Variants in FAT3 observed in about 807,000 individuals in gnomAD.
The protein encoded by FAT3 is FAT atypical cadherin 3, also known as protocadherin Fat 3.
FAT3 carries 95 observed loss-of-function variants against 310.2 expected under a neutral mutation model. The observed-to-expected ratio is 0.31, with a 90% CI of 0.26 to 0.36. The LOEUF is 0.36. Among genes scored for constraint, FAT3 ranks in the 10% least tolerant of loss-of-function variants. The pLI, the probability that FAT3 is intolerant of heterozygous loss-of-function variation, is 1.00. For synonymous variants in FAT3, 2,314 were observed against 2,192.9 expected (o/e 1.06, Z -1.54); for missense variants, 5,408 against 5,715.6 (o/e 0.95, Z 1.74).
At chr11:92,399,644 T>A (rs1304772135) in intron 2 of FAT3, among the ~76,000 whole-genome samples, 1 of 152,188 alleles carries the variant, frequency 6.6e-6, no homozygotes, top group Non-Finnish European at 1.5e-5. Flanking sequence ...ATGCCTATTT[T>A]CCATGACCCT....
chr11:92,836,633 G>A lies in FAT3; in HGVS notation c.10154G>A (p.Arg3385Gln), dbSNP rs757195782. 20 of 1,613,606 alleles carry A rather than the reference G, an allele frequency of 1.2e-5. No homozygotes were observed. The highest frequency in any genetic ancestry group is 3.3e-5 in the South Asian group (3 of 91,042). The change falls in exon 16 of 28, where the codon CGG (arginine) becomes CAG (glutamine). Residue 3385 changes from arginine (R) to glutamine (Q), a missense_variant. Arg to Gln is a conservative substitution (Grantham distance 43). Around this residue, in one of 5 missense-constraint regions of FAT3, gnomAD observed 4,588 missense variants for 4,809.8 expected, o/e 0.95. Transcript: ENST00000525166. ...CATTTTTCCATTGTGAATGGAGATC[G>A]GGACAATGAATTTACTGTAGATCCT... is the stretch of plus-strand genomic sequence containing the variant. ...QIHFSIVNGD[R>Q]DNEFTVDPVL...
rs546889956 is a variant in FAT3, at chr11:92,511,732, A to C, written c.3293-12902A>C. Among the ~76,000 whole-genome samples, 240 of 152,254 alleles carry C rather than the reference A, an allele frequency of 1.6e-3. 3 individuals carry two copies. The highest frequency in any genetic ancestry group is 5.6e-3 in the African/African-American group (234 of 41,538). Reference sequence around the variant, plus strand: ...GGAGGCCATTTGTGGAGATGGATTGAAGGAGCAGCCTGAGCAGATGTGCAC... The same window carrying C: ...GGAGGCCATTTGTGGAGATGGATTGCAGGAGCAGCCTGAGCAGATGTGCAC... On this transcript the variant is annotated intron_variant, in intron 2 of 27. Coordinates refer to ENST00000525166, the MANE Select transcript of FAT3 (RefSeq NM_001367949.2).
chr11:92,409,844 C>T (rs763395437), intron 2 of FAT3, among the ~76,000 whole-genome samples: 3 of 152,156 alleles, frequency 2.0e-5, no homozygotes, highest in Non-Finnish European at 2.9e-5. Context: ...TTGCCAGCCT[C>T]AGACAGCATT....
At chr11:92,338,016 A>G (rs967520059) in intron 1 of FAT3, among the ~76,000 whole-genome samples, 2 of 152,174 alleles carry the variant, frequency 1.3e-5, no homozygotes, top group East Asian at 1.9e-4. Context: ...AACAATAGAA[A>G]TCTATTCTAA....
chr11:92,729,705 G>A (rs1945116857), intron 4 of FAT3, among the ~76,000 whole-genome samples: 3 of 151,952 alleles, frequency 2.0e-5, no homozygotes, highest in South Asian at 2.1e-4. Context: ...GATTATAGGC[G>A]TGAGCCACTG....
At chr11:92,553,705 C>CTTCCTTCA (rs1565406452) in intron 3 of FAT3, among the ~76,000 whole-genome samples, 1 of 86,888 alleles carries the variant, frequency 1.2e-5, no homozygotes, top group Non-Finnish European at 2.7e-5. Flanking sequence ...TCCTTCCTTC[C>CTTCCTTCA]TTCCTTCCTT....
At chr11:92,852,026 T>TAA (rs1948842792) in intron 19 of FAT3, among the ~76,000 whole-genome samples, 1 of 152,148 alleles carries the variant, frequency 6.6e-6, no homozygotes, top group African/African-American at 2.4e-5. Flanking sequence ...TAAAGCTTAC[T>TAA]AGCTTCTATT....
At chr11:92,468,485 A>G (rs1309120405) in intron 2 of FAT3, among the ~76,000 whole-genome samples, 1 of 151,972 alleles carries the variant, frequency 6.6e-6, no homozygotes, top group Admixed American at 6.6e-5. Flanking sequence ...GGTGTAGTGT[A>G]ATTCTTCTTT....
intron 4 of FAT3, among the ~76,000 whole-genome samples, chr11:92,754,118 C>T (rs967249577): frequency 1.3e-5 from 2 of 151,558 alleles, no homozygotes; most frequent in African/African-American, 4.9e-5. Context: ...ACCTGTACCC[C>T]AATAACATAT....
intron 2 of FAT3, among the ~76,000 whole-genome samples, chr11:92,474,254 G>C (rs1237162816): frequency 1.3e-5 from 2 of 152,120 alleles, no homozygotes; most frequent in Non-Finnish European, 2.9e-5. Flanking sequence ...AATGAAGAGT[G>C]GTTGTGCCAA....
chr11:92,392,693 T>C (rs1949777191), intron 2 of FAT3, among the ~76,000 whole-genome samples: 1 of 152,182 alleles, frequency 6.6e-6, no homozygotes, highest in Non-Finnish European at 1.5e-5. Flanking sequence ...GGTTTCCTGT[T>C]GTATCTCCAG....
intron 3 of FAT3, among the ~76,000 whole-genome samples, chr11:92,571,115 T>C (rs190459592): frequency 3.2e-4 from 48 of 152,276 alleles, no homozygotes; most frequent in Admixed American, 8.5e-4. Flanking sequence ...TCTAAAACTC[T>C]TTGTCTAGAA....
At chr11:92,557,450 G>A (rs968603829) in intron 3 of FAT3, among the ~76,000 whole-genome samples, 7 of 152,140 alleles carry the variant, frequency 4.6e-5, no homozygotes, top group East Asian at 3.9e-4. Flanking sequence ...ACAAGATTTC[G>A]TGGTGCAGTG....
At chr11:92,543,458 T>G (rs1331631494) in intron 3 of FAT3, among the ~76,000 whole-genome samples, 1 of 152,184 alleles carries the variant, frequency 6.6e-6, no homozygotes, top group Admixed American at 6.5e-5. Context: ...TAGGTACAAT[T>G]AATGTATGTA....
At position 92,894,326 on chromosome 11, in the gene FAT3, T is replaced by C. The variant is rs1031310122; in HGVS notation, c.*3213T>C. 3.3e-5 allele frequency: 5 copies of C among 152,126 alleles called. No homozygotes were observed. Among genetic ancestry groups the C allele is most frequent in the Admixed American group, 2.6e-4 (4 of 15,178 alleles). 9.4% of individuals were successfully genotyped at this position (152,126 alleles called of 1,614,324 possible). A position where few individuals can be genotyped will look rare whatever the true frequency, so the allele number is the denominator to read the frequency against. ...GACCAGTCATCAGTTGTAGTGAAAC[T>C]TTGATTATACTGTTACCTACTGGTT... On this transcript the variant is annotated 3_prime_UTR_variant, in exon 28 of 28. Transcript: ENST00000525166.
chr11:92,777,451 G>C (rs957446010), intron 7 of FAT3, among the ~76,000 whole-genome samples: 2 of 152,070 alleles, frequency 1.3e-5, no homozygotes, highest in Non-Finnish European at 2.9e-5. Flanking sequence ...CTTAGGGTGA[G>C]CACAAAACAT....
At chr11:92,557,478 G>A (rs1298533339) in intron 3 of FAT3, among the ~76,000 whole-genome samples, 2 of 152,082 alleles carry the variant, frequency 1.3e-5, no homozygotes, top group East Asian at 1.9e-4. Flanking sequence ...ACATTGTATC[G>A]CCATGTCCCC....
Position 92,353,601 on chromosome 11 carries a change from T to C in FAT3, c.1489T>C (p.Ser497Pro), listed in dbSNP as rs1948634509. 1 of 1,613,830 alleles carries C rather than the reference T, an allele frequency of 6.2e-7. No homozygotes were observed. Among genetic ancestry groups the C allele is most frequent in the Non-Finnish European group, 8.5e-7 (1 of 1,179,862 alleles). Residue 497 changes from serine (S) to proline (P), a missense_variant, in exon 2 of 28, where the codon TCT becomes CCT. Ser to Pro is a moderately conservative substitution (Grantham distance 74, BLOSUM62 -1). Around this residue, in one of 5 missense-constraint regions of FAT3, gnomAD observed 4,588 missense variants for 4,809.8 expected, o/e 0.95. Transcript: ENST00000525166. ...AACCAGCGTTCTAACAGTTTCAGCT[T>C]CTGATAAGGATAAAGGAGAAAATGG... ...VGTSVLTVSA[S>P]DKDKGENGYI...
chr11:92,838,548 T>A (rs1948461618), intron 17 of FAT3, among the ~76,000 whole-genome samples: 1 of 152,134 alleles, frequency 6.6e-6, no homozygotes, highest in Admixed American at 6.5e-5. Flanking sequence ...GATCAGGAAA[T>A]CTAGCCCAGG....
Sources: gnomAD v4.1 joint callset for allele counts (sites outside exome capture counted in the v4.1 genomes callset) on GRCh38, gnomAD v4.1.1 for gene constraint, gnomAD v4.1.1 regional missense constraint, MANE v1.5 for transcripts, NCBI Gene and HGNC (gene_info 2026-07-23, HGNC 2026-07-21) for gene names.